Variants in RNF214 observed in about 807,000 individuals in gnomAD.
The protein encoded by RNF214 is ring finger protein 214.
RNF214 carries 25 observed loss-of-function variants against 75.9 expected under a neutral mutation model. The ratio of observed to expected loss-of-function variants is 0.33; its 90% CI spans 0.24 to 0.46. The LOEUF (loss-of-function observed/expected upper bound fraction) is 0.46. Among genes scored for constraint, RNF214 ranks in the 20% least tolerant of loss-of-function variants. The pLI is 1.00. For missense variants in RNF214, 725 were observed against 857.5 expected, an observed-to-expected ratio of 0.85 and a Z score of 1.93; for synonymous variants, 314 against 308.8, an observed-to-expected ratio of 1.02 and a Z score of -0.18.
At position 117,262,115 on chromosome 11, in the gene RNF214, G is replaced by A. The variant is rs150615331; in HGVS notation, c.959+15167G>A. Among the ~76,000 whole-genome samples, 855 of 150,926 alleles carry A rather than the reference G, an allele frequency of 5.7e-3. 10 individuals are homozygous for A. The highest frequency in any genetic ancestry group is 8.8e-3 in the Non-Finnish European group (598 of 67,728). On this transcript the variant is annotated intron_variant, in intron 6 of 14. Transcript: ENST00000300650. ...ATACGAGTCTGGCTCCGTCCCCCAG[G>A]CTGGAGTGCAGTGGTGCAATCTCGG...
chr11:117,255,348 T>C (rs1174862857), intron 6 of RNF214, among the ~76,000 whole-genome samples: 5 of 152,180 alleles, frequency 3.3e-5, no homozygotes, highest in Non-Finnish European at 7.4e-5. Flanking sequence ...TCTCCATAGA[T>C]GACTCCACTT....
At chr11:117,247,411 C>T (rs1272167449) in intron 6 of RNF214, among the ~76,000 whole-genome samples, 2 of 152,200 alleles carry the variant, frequency 1.3e-5, no homozygotes, top group African/African-American at 4.8e-5. Context: ...GGAAGAATCA[C>T]TTGAGCCCAG....
chr11:117,259,616 T>C (rs968759844), intron 6 of RNF214, among the ~76,000 whole-genome samples: 1 of 152,240 alleles, frequency 6.6e-6, no homozygotes, highest in Non-Finnish European at 1.5e-5. Flanking sequence ...GTGTTTTTTA[T>C]TTTTTAGAGA....
At chr11:117,234,196 T>A (rs2032833833) in intron 1 of RNF214, 71 bp from the exon 2 acceptor site, 3 of 1,129,690 alleles carry the variant, frequency 2.7e-6, no homozygotes, top group Non-Finnish European at 4.0e-6. Context: ...GTGGACATTC[T>A]GAGGGGGGAG....
At chr11:117,284,579 A>C (rs1262578081) in intron 14 of RNF214, among the ~76,000 whole-genome samples, 1 of 152,192 alleles carries the variant, frequency 6.6e-6, no homozygotes, top group African/African-American at 2.4e-5. Flanking sequence ...AATGTTCCTC[A>C]TAAAAAGGAC....
chr11:117,265,490 T>G (rs1182788754), intron 6 of RNF214, among the ~76,000 whole-genome samples: 3 of 152,032 alleles, frequency 2.0e-5, no homozygotes, highest in Non-Finnish European at 4.4e-5. Flanking sequence ...CTGGGCTCAC[T>G]GCAACCTCTG....
chr11:117,264,107 G>T (rs569434749), intron 6 of RNF214, among the ~76,000 whole-genome samples: 1 of 152,138 alleles, frequency 6.6e-6, no homozygotes, highest in Admixed American at 6.6e-5. Flanking sequence ...CGGATCACGC[G>T]GTCAGGAGAT....
At chr11:117,248,123 T>C (rs1459073381) in intron 6 of RNF214, among the ~76,000 whole-genome samples, 1 of 152,154 alleles carries the variant, frequency 6.6e-6, no homozygotes, top group Non-Finnish European at 1.5e-5. Flanking sequence ...TTCCCCAGGC[T>C]GGAGTGCAGT....
At chr11:117,278,650 A>G (rs1292563666) in intron 6 of RNF214, among the ~76,000 whole-genome samples, 1 of 152,216 alleles carries the variant, frequency 6.6e-6, no homozygotes, top group East Asian at 1.9e-4. Flanking sequence ...GGAGGGAGGA[A>G]ACCAAAGAAA....
At chr11:117,234,476 T>C (rs1591814159) in intron 2 of RNF214, 97 bp downstream of exon 2, 3 of 808,906 alleles carry the variant, frequency 3.7e-6, no homozygotes, top group East Asian at 5.0e-5. Flanking sequence ...CTGATGGCAC[T>C]GCACTAGCTT....
At chr11:117,280,533 G>A (rs150439414) in intron 8 of RNF214, among the ~76,000 whole-genome samples, 7 of 152,222 alleles carry the variant, frequency 4.6e-5, no homozygotes, top group East Asian at 1.9e-4. Context: ...AAAGCCAGAC[G>A]TAATAGCATG....
At chr11:117,273,485 G>A (rs993874655) in intron 6 of RNF214, among the ~76,000 whole-genome samples, 19 of 151,762 alleles carry the variant, frequency 1.3e-4, no homozygotes, top group African/African-American at 4.4e-4. Flanking sequence ...GTATGGGGAA[G>A]AGAAACCTTT....
intron 6 of RNF214, among the ~76,000 whole-genome samples, chr11:117,264,753 C>T (rs1310971437): frequency 6.6e-6 from 1 of 151,972 alleles, no homozygotes; most frequent in African/African-American, 2.4e-5. Flanking sequence ...TTCTATGTTT[C>T]TGTATGCTTT....
At chr11:117,243,833 G>T (rs923356661) in intron 4 of RNF214, among the ~76,000 whole-genome samples, 3 of 152,104 alleles carry the variant, frequency 2.0e-5, no homozygotes, top group Non-Finnish European at 4.4e-5. Flanking sequence ...GAGATTATAG[G>T]CTGGAGCCAC....
chr11:117,261,897 C>G (rs2033672601), intron 6 of RNF214, among the ~76,000 whole-genome samples: 1 of 151,902 alleles, frequency 6.6e-6, no homozygotes, highest in South Asian at 2.1e-4. Context: ...CTGCCTGGCT[C>G]AGCCTCCCAA....
chr11:117,266,195 T>C (rs541299054), intron 6 of RNF214, among the ~76,000 whole-genome samples: 112 of 152,342 alleles, frequency 7.4e-4, no homozygotes, highest in African/African-American at 2.5e-3. Flanking sequence ...GTGTCATTTT[T>C]TTTCTGTAGT....
At chr11:117,281,258 A>G in intron 8 of RNF214, 56 bp from the exon 9 acceptor site, 1 of 1,259,048 alleles carries the variant, frequency 7.9e-7, no homozygotes, top group Non-Finnish European at 1.2e-6. Flanking sequence ...GGCGTGAGTC[A>G]CTGTTCCTAG....
chr11:117,242,933 A>G (rs1227967555), intron 4 of RNF214, among the ~76,000 whole-genome samples: 2 of 152,184 alleles, frequency 1.3e-5, no homozygotes, highest in East Asian at 3.8e-4. Flanking sequence ...TTGAATTCTT[A>G]TCTCAGAAAA....
chr11:117,259,973 T>G (rs1213984705), intron 6 of RNF214, among the ~76,000 whole-genome samples: 1 of 152,220 alleles, frequency 6.6e-6, no homozygotes, highest in Non-Finnish European at 1.5e-5. Context: ...CTAAGTTACC[T>G]TTGCCCACCC....
Sources: gnomAD v4.1 joint callset for allele counts (sites outside exome capture counted in the v4.1 genomes callset) on GRCh38, gnomAD v4.1.1 for gene constraint, MANE v1.5 for transcripts, NCBI Gene and HGNC (gene_info 2026-07-23, HGNC 2026-07-21) for gene names.